Variants in GPM6A observed in about 807,000 individuals in gnomAD.
GPM6A encodes the protein glycoprotein M6A.
In GPM6A, 7 loss-of-function variants were observed where a neutral mutation model predicts 32.1. The observed-to-expected ratio is 0.22, with a 90% CI of 0.12 to 0.41. GPM6A has a LOEUF of 0.41. Ranked by LOEUF, GPM6A falls within the 10% of genes least tolerant of loss-of-function variation. The pLI, the probability that GPM6A is intolerant of heterozygous loss-of-function variation, is 1.00. For missense variants in GPM6A, 235 were observed against 347.2 expected, an observed-to-expected ratio of 0.68 and a Z score of 2.57; for synonymous variants, 130 against 123.4, an observed-to-expected ratio of 1.05 and a Z score of -0.35.
chr4:175,911,879 A>T (rs979475465), intron 1 of GPM6A, among the ~76,000 whole-genome samples: 7 of 152,208 alleles, frequency 4.6e-5, no homozygotes, highest in Admixed American at 2.0e-4. Flanking sequence ...AATGACAAAA[A>T]TAAGCAAATC....
rs182395463 is a variant in GPM6A at position 175,845,084 on chromosome 4, C to T, written c.-22-32835G>A. 2.4e-3 allele frequency among the ~76,000 whole-genome samples: 361 copies of T among 152,116 alleles called. 1 individual carries two copies. Among genetic ancestry groups the T allele is most frequent in the African/African-American group, 8.3e-3 (344 of 41,518 alleles). Reference sequence around the variant, plus strand: ...TTAATAATTCCATTTTCTTGACTTACTGCTTTAAAATTGACTACAAAAAAA... The same window carrying T: ...TTAATAATTCCATTTTCTTGACTTATTGCTTTAAAATTGACTACAAAAAAA... On this transcript the variant is annotated intron_variant, in intron 1 of 7. Transcript: ENST00000280187.
chr4:175,825,460 G>A (rs889462127), intron 1 of GPM6A, among the ~76,000 whole-genome samples: 2 of 152,072 alleles, frequency 1.3e-5, no homozygotes, highest in South Asian at 2.1e-4. Flanking sequence ...CTGGGTCCTC[G>A]CTCCCATGGT....
At chr4:175,652,359 T>C (rs1741857446) in intron 3 of GPM6A, among the ~76,000 whole-genome samples, 1 of 152,140 alleles carries the variant, frequency 6.6e-6, no homozygotes, top group Admixed American at 6.6e-5. Context: ...TTCAGGAGAA[T>C]TAAAAGTCTG....
chr4:175,958,131 G>A (rs1740048444), intron 1 of GPM6A, among the ~76,000 whole-genome samples: 1 of 152,138 alleles, frequency 6.6e-6, no homozygotes, highest in Non-Finnish European at 1.5e-5. Flanking sequence ...TACTTCAAGT[G>A]ACCCGCCCAC....
intron 2 of GPM6A, among the ~76,000 whole-genome samples, chr4:175,688,813 C>G (rs979248814): frequency 6.6e-6 from 1 of 152,044 alleles, no homozygotes; most frequent in Admixed American, 6.6e-5. Flanking sequence ...TATATACATA[C>G]ATATCAAACT....
At chr4:175,712,200 T>C (rs1485999653) in intron 1 of GPM6A, among the ~76,000 whole-genome samples, 1 of 152,154 alleles carries the variant, frequency 6.6e-6, no homozygotes, top group African/African-American at 2.4e-5. Context: ...ATAATTAATA[T>C]AAAACGGTTT....
chr4:175,713,292 T>C (rs908301963), intron 1 of GPM6A, among the ~76,000 whole-genome samples: 8 of 152,152 alleles, frequency 5.3e-5, no homozygotes, highest in Admixed American at 2.0e-4. Context: ...AACCTCTGCC[T>C]CCCGATTTCA....
intron 1 of GPM6A, among the ~76,000 whole-genome samples, chr4:175,980,761 G>T (rs557369789): frequency 5.1e-4 from 77 of 152,236 alleles, no homozygotes; most frequent in Middle Eastern, 6.8e-3. Context: ...TTATGTACAG[G>T]TCACTTCTCA....
chr4:175,714,100 C>T (rs185257092), intron 1 of GPM6A, among the ~76,000 whole-genome samples: 1 of 152,152 alleles, frequency 6.6e-6, no homozygotes, highest in African/African-American at 2.4e-5. Context: ...TTTTAGATGT[C>T]CTCTGTTGAG....
chr4:175,766,726 C>T (rs1164851413), intron 1 of GPM6A, among the ~76,000 whole-genome samples: 1 of 148,212 alleles, frequency 6.7e-6, no homozygotes, highest in Non-Finnish European at 1.5e-5. Context: ...GTGATCTCTG[C>T]TCACTGCAAC....
At chr4:175,712,238 A>G (rs1745593967) in intron 1 of GPM6A, among the ~76,000 whole-genome samples, 1 of 152,230 alleles carries the variant, frequency 6.6e-6, no homozygotes, top group Admixed American at 6.5e-5. Flanking sequence ...GAGTCTGTAG[A>G]TTGGTAGCAC....
intron 1 of GPM6A, among the ~76,000 whole-genome samples, chr4:175,881,911 G>A (rs918698462): frequency 1.3e-5 from 2 of 151,964 alleles, no homozygotes; most frequent in Admixed American, 6.6e-5. Context: ...AATGGGTGCA[G>A]CACATCAACA....
At chr4:175,731,659 T>C (rs1363365090) in intron 1 of GPM6A, among the ~76,000 whole-genome samples, 5 of 152,236 alleles carry the variant, frequency 3.3e-5, no homozygotes, top group African/African-American at 1.2e-4. Context: ...TTTTATTCTC[T>C]AGGAAGCAGC....
intron 3 of GPM6A, among the ~76,000 whole-genome samples, chr4:175,666,008 T>A (rs2110960962): frequency 6.7e-6 from 1 of 149,856 alleles, no homozygotes; most frequent in African/African-American, 2.5e-5. Context: ...AACCTCCACC[T>A]CCCAGGTTCA....
intron 1 of GPM6A, among the ~76,000 whole-genome samples, chr4:175,883,291 G>A (rs1008935270): frequency 1.3e-5 from 2 of 152,010 alleles, no homozygotes; most frequent in Non-Finnish European, 2.9e-5. Context: ...AATATAATGT[G>A]AGCCATATAT....
intron 1 of GPM6A, among the ~76,000 whole-genome samples, chr4:175,741,493 T>C (rs545098337): frequency 2.6e-5 from 4 of 152,164 alleles, no homozygotes; most frequent in Non-Finnish European, 5.9e-5. Flanking sequence ...TATCTTCATA[T>C]GGAATGCACG....
At chr4:175,885,483 TA>T (rs1047812318) in intron 1 of GPM6A, among the ~76,000 whole-genome samples, 5 of 152,120 alleles carry the variant, frequency 3.3e-5, no homozygotes, top group Non-Finnish European at 5.9e-5. Context: ...TTTTAAAAAT[TA>T]TCCAGGTGTG....
chr4:175,815,201 G>T (rs186302558), upstream of GPM6A, among the ~76,000 whole-genome samples: 5 of 152,026 alleles, frequency 3.3e-5, no homozygotes, highest in African/African-American at 1.2e-4. Flanking sequence ...AGTGGAGACC[G>T]GGTTGGTTTC....
At chr4:175,844,314 C>T (rs1736025552) in intron 1 of GPM6A, among the ~76,000 whole-genome samples, 1 of 152,178 alleles carries the variant, frequency 6.6e-6, no homozygotes, top group African/African-American at 2.4e-5. Context: ...CATGAGATCT[C>T]CAATGTTAGT....
Sources: allele counts gnomAD v4.1 joint callset (sites outside exome capture counted in the v4.1 genomes callset), GRCh38; gene constraint gnomAD v4.1.1; transcripts MANE v1.5; gene names NCBI Gene and HGNC (gene_info 2026-07-23, HGNC 2026-07-21).